TMEM117: variants seen among roughly 807,000 people sequenced by gnomAD.
The protein encoded by TMEM117 is transmembrane protein 117.
Under a neutral mutation model 52.4 loss-of-function variants are expected in TMEM117, and 27 were observed. The ratio of observed to expected loss-of-function variants is 0.51; its 90% CI spans 0.38 to 0.71. The LOEUF is 0.71. Ranked by LOEUF, TMEM117 falls within the 30% of genes least tolerant of loss-of-function variation. The pLI, the probability that TMEM117 is intolerant of heterozygous loss-of-function variation, is 0.00. For synonymous variants in TMEM117, 215 were observed against 206.3 expected, an observed-to-expected ratio of 1.04 and a Z score of -0.36; for missense variants, 556 against 630.5, an observed-to-expected ratio of 0.88 and a Z score of 1.26.
chr12:44,106,903 TTA>T (rs1468232911), intron 3 of TMEM117, among the ~76,000 whole-genome samples: 4 of 152,028 alleles, frequency 2.6e-5, no homozygotes, highest in Non-Finnish European at 5.9e-5. Flanking sequence ...AAAACAGAGT[TTA>T]TAAAGTACTT....
the TMEM117 span, chr12:43,797,250 T>A: frequency 1.3e-6 from 2 of 1,522,410 alleles, no homozygotes; most frequent in Non-Finnish European, 1.8e-6. Context: ...ATAGGGCTGA[T>A]ACACCAATAA....
At chr12:44,021,316 T>C (rs1034530276) in intron 3 of TMEM117, among the ~76,000 whole-genome samples, 3 of 152,166 alleles carry the variant, frequency 2.0e-5, no homozygotes, top group African/African-American at 7.2e-5. Context: ...TTCTTTCTGT[T>C]CATAAGTTCT....
intron 3 of TMEM117, among the ~76,000 whole-genome samples, chr12:43,965,601 T>G (rs1339892208): frequency 1.3e-5 from 2 of 152,362 alleles, no homozygotes; most frequent in South Asian, 2.1e-4. Flanking sequence ...CTTAGGCATA[T>G]TGTATCCTTG....
At chr12:43,871,696 AT>A (rs1354967407) in intron 2 of TMEM117, among the ~76,000 whole-genome samples, 1 of 152,186 alleles carries the variant, frequency 6.6e-6, no homozygotes, top group Non-Finnish European at 1.5e-5. Flanking sequence ...CTTGTTATTG[AT>A]CTGATTTGAT....
intron 5 of TMEM117, among the ~76,000 whole-genome samples, chr12:44,253,369 T>C (rs1476808410): frequency 1.3e-5 from 2 of 152,200 alleles, no homozygotes; most frequent in African/African-American, 4.8e-5. Context: ...TGTTGTCTTT[T>C]ATGATTTATG....
intron 5 of TMEM117, among the ~76,000 whole-genome samples, chr12:44,283,898 TG>T (rs1950607098): frequency 6.6e-6 from 1 of 152,134 alleles, no homozygotes; most frequent in Non-Finnish European, 1.5e-5. Flanking sequence ...AATTGAATCA[TG>T]GGGGCTGGTC....
chr12:43,865,358 A>T (rs910515610), intron 2 of TMEM117, among the ~76,000 whole-genome samples: 5 of 152,162 alleles, frequency 3.3e-5, no homozygotes, highest in African/African-American at 1.2e-4. Context: ...AATAAACAAT[A>T]CATCCTTGGG....
chr12:44,341,950 G>A (rs1798021), intron 6 of TMEM117, among the ~76,000 whole-genome samples: 102,658 of 151,970 alleles, frequency 0.68, 35,838 homozygotes, highest in East Asian at 0.9. Context: ...ACTGTTCAGA[G>A]CTAAGCGTAT....
chr12:43,841,673 A>C (rs1943117997), intron 1 of TMEM117, among the ~76,000 whole-genome samples: 1 of 152,196 alleles, frequency 6.6e-6, no homozygotes. Context: ...AAAAGAGTCA[A>C]GATTATATGT....
chr12:43,807,733 A>G, the TMEM117 span, among the ~76,000 whole-genome samples: 1 of 152,148 alleles, frequency 6.6e-6, no homozygotes, highest in Non-Finnish European at 1.5e-5. Context: ...ATGTCTAGTT[A>G]GGTTGGGACC....
intron 4 of TMEM117, among the ~76,000 whole-genome samples, chr12:44,189,108 T>C (rs1459138776): frequency 6.6e-6 from 1 of 152,158 alleles, no homozygotes; most frequent in Non-Finnish European, 1.5e-5. Flanking sequence ...AAATGTACAC[T>C]AGATTATTAT....
intron 4 of TMEM117, among the ~76,000 whole-genome samples, chr12:44,181,747 G>A (rs1476417775): frequency 6.7e-6 from 1 of 150,368 alleles, no homozygotes; most frequent in African/African-American, 2.4e-5. Context: ...TGCTGTTTTG[G>A]TTACTGTAGC....
intron 4 of TMEM117, among the ~76,000 whole-genome samples, chr12:44,180,971 A>G (rs1171105189): frequency 5.3e-5 from 8 of 152,112 alleles, no homozygotes; most frequent in African/African-American, 1.9e-4. Flanking sequence ...TCCCACCAAC[A>G]GTGTAAAAGT....
chr12:44,023,365 G>A (rs914663628), intron 3 of TMEM117, among the ~76,000 whole-genome samples: 1 of 152,092 alleles, frequency 6.6e-6, no homozygotes, highest in African/African-American at 2.4e-5. Context: ...GGGTCAAATG[G>A]TATTTCTAGT....
chr12:43,910,134 A>G (rs542685597), intron 2 of TMEM117, among the ~76,000 whole-genome samples: 1 of 137,286 alleles, frequency 7.3e-6, no homozygotes, highest in Non-Finnish European at 1.6e-5. Context: ...CACATCAAAA[A>G]GCTTATCCAC....
At chr12:43,894,471 G>T (rs1228940248) in intron 2 of TMEM117, among the ~76,000 whole-genome samples, 1 of 151,678 alleles carries the variant, frequency 6.6e-6, no homozygotes, top group Non-Finnish European at 1.5e-5. Context: ...TGTGTCATGG[G>T]GGTTGGTTGT....
chr12:44,054,223 T>A (rs1947016719), intron 3 of TMEM117, among the ~76,000 whole-genome samples: 1 of 152,182 alleles, frequency 6.6e-6, no homozygotes. Context: ...GGTTTGTACT[T>A]ACAATCTATG....
chr12:44,330,885 C>G (rs150697555), intron 6 of TMEM117, among the ~76,000 whole-genome samples: 1 of 152,182 alleles, frequency 6.6e-6, no homozygotes, highest in East Asian at 1.9e-4. Context: ...GCAACAGGGT[C>G]TCACTATTTT....
rs189622605 is a variant in TMEM117, at chr12:43,930,332, C to T, written c.278-13878C>T. On this transcript the variant is annotated intron_variant, in intron 2 of 7. Coordinates refer to ENST00000266534, the MANE Select transcript of TMEM117 (RefSeq NM_032256.3). The stretch of plus-strand genomic sequence containing the variant: ...TCTATGGGAAATTGTGTTAGAATTT[C>T]GGGTCATTTCCTGAGTTTCCTTATT... Among the ~76,000 whole-genome samples the T allele has an allele frequency of 7.9e-5, 12 of 152,208 alleles. No individual in the cohort carries two copies. The East Asian group carries it at 1.4e-3, about 17-fold the overall frequency.
Sources: gnomAD v4.1 joint callset for allele counts (sites outside exome capture counted in the v4.1 genomes callset) on GRCh38, gnomAD v4.1.1 for gene constraint, MANE v1.5 for transcripts, NCBI Gene and HGNC (gene_info 2026-07-23, HGNC 2026-07-21) for gene names.